FOXK2: variants seen among roughly 807,000 people sequenced by gnomAD.
The protein encoded by FOXK2 is forkhead box K2.
Under a neutral mutation model 53.3 loss-of-function variants are expected in FOXK2, and 24 were observed. The ratio of observed to expected loss-of-function variants is 0.45; its 90% CI spans 0.33 to 0.63. The LOEUF is 0.63. Among genes scored for constraint, FOXK2 ranks in the 30% least tolerant of loss-of-function variants. FOXK2 has a pLI of 0.03. For synonymous variants in FOXK2, 505 were observed against 407.1 expected (o/e 1.24, Z -2.89); for missense variants, 952 against 910.5 (o/e 1.05, Z -0.59).
At chr17:82,535,099 C>G (rs1456145122) in intron 1 of FOXK2, among the ~76,000 whole-genome samples, 1 of 152,172 alleles carries the variant, frequency 6.6e-6, no homozygotes, top group South Asian at 2.1e-4. Context: ...AGGCTGGTCT[C>G]GAACTCCTGA....
intron 8 of FOXK2, chr17:82,596,063 G>A (rs948053375): frequency 3.3e-5 from 36 of 1,104,868 alleles, no homozygotes; most frequent in Non-Finnish European, 3.9e-5. Flanking sequence ...GGCCCCGGCT[G>A]TCTGCACATT....
At chr17:82,599,047 C>CCCAGCT in intron 8 of FOXK2, 1 of 152,322 alleles carries the variant, frequency 6.6e-6, no homozygotes, top group South Asian at 2.1e-4. Flanking sequence ...TCTTCCTCAG[C>CCCAGCT]CCAGCTTCCT....
intron 1 of FOXK2, among the ~76,000 whole-genome samples, chr17:82,543,713 C>G (rs892653219): frequency 4.0e-5 from 6 of 151,238 alleles, no homozygotes; most frequent in Non-Finnish European, 8.8e-5. Context: ...AACTCCTGGC[C>G]TCAAGTGATC....
chr17:82,526,785 C>G (rs1373293436), intron 1 of FOXK2, among the ~76,000 whole-genome samples: 1 of 150,482 alleles, frequency 6.6e-6, no homozygotes, highest in Non-Finnish European at 1.5e-5. Context: ...GAGCCGAGAT[C>G]GCGCCACTGC....
In FOXK2 at chr17:82,552,430, C is replaced by T. The variant is rs374313677; in HGVS notation, c.420-10924C>T. Among the ~76,000 whole-genome samples, 142 of 152,232 alleles carry T rather than the reference C, an allele frequency of 9.3e-4. 1 individual carries two copies. Among genetic ancestry groups the T allele is most frequent in the African/African-American group, 3.3e-3 (137 of 41,518 alleles). ...GCTATGGCAACTGTGTCCTAATGGC[C>T]GACCTTCTCCAGGCTTCACCCACCG... is the stretch of plus-strand genomic sequence containing the variant. On this transcript the variant is annotated intron_variant, in intron 1 of 8. Transcript: ENST00000335255.
At chr17:82,591,123 C>T (rs1218113312) in intron 8 of FOXK2, among the ~76,000 whole-genome samples, 3 of 152,186 alleles carry the variant, frequency 2.0e-5, no homozygotes, top group Non-Finnish European at 2.9e-5. Flanking sequence ...TGCACTGTAG[C>T]CCTGGCCTTG....
At position 82,553,991 on chromosome 17, in the gene FOXK2, G is replaced by A. The variant is rs148083465; in HGVS notation, c.420-9363G>A. On this transcript the variant is annotated intron_variant, in intron 1 of 8. Coordinates refer to ENST00000335255, the MANE Select transcript of FOXK2 (RefSeq NM_004514.4). The stretch of plus-strand genomic sequence containing the variant: ...TGGGACTACAGGCGCCCACCACCAC[G>A]CCTGGGTAATTTTTGTATTTTTAGT... Among the ~76,000 whole-genome samples, 8 of 152,120 alleles carry A rather than the reference G, an allele frequency of 5.3e-5. No individual in the cohort carries two copies. The East Asian group carries it at 1.5e-3, about 29-fold the overall frequency.
At position 82,568,125 on chromosome 17, in the gene FOXK2, C is replaced by T; in HGVS notation, c.686C>T (p.Pro229Leu). 1 of 1,613,952 alleles carries T rather than the reference C, an allele frequency of 6.2e-7. No individual in the cohort carries two copies. Among genetic ancestry groups the T allele is most frequent in the Non-Finnish European group, 8.5e-7 (1 of 1,180,008 alleles). Residue 229 changes from proline (P) to leucine (L), a missense_variant, in exon 3 of 9, where the codon CCA becomes CTA. Physicochemically the swap from Pro to Leu is moderately conservative, Grantham distance 98. Transcript: ENST00000335255. ...GGGTACAAGGTGGGCCGAGTGATGC[C>T]ATCTGACCTCAATTTAATGGCTGAC... ...SSGYKVGRVMPSDLNLMADNS... is the reference protein window; with the variant it reads ...SSGYKVGRVMLSDLNLMADNS...
chr17:82,583,803 C>T (rs1057381578), intron 5 of FOXK2, among the ~76,000 whole-genome samples: 3 of 152,224 alleles, frequency 2.0e-5, no homozygotes, highest in African/African-American at 4.8e-5. Flanking sequence ...GGGCCCGTGA[C>T]GGCCCTGTCC....
rs762085515 is a variant in FOXK2 at position 82,601,441 on chromosome 17, T to C, written c.1925T>C (p.Ile642Thr). The C allele has an allele frequency of 5.0e-6, 8 of 1,612,706 alleles. No homozygotes were observed. The South Asian group carries it at 7.7e-5, about 15-fold the overall frequency. The change falls in exon 9 of 9, where the codon ATT becomes ACT. Residue 642 changes from isoleucine to threonine, a missense_variant. Transcript: ENST00000335255. Reference protein sequence around the residue: ...IKTEDGEGIVIALSVDTPPAA... With the variant: ...IKTEDGEGIVTALSVDTPPAA... ...ACAGAAGACGGCGAGGGCATCGTCATTGCCCTGAGCGTGGACACGCCACCG... is the reference window on the plus strand; with the variant it reads ...ACAGAAGACGGCGAGGGCATCGTCACTGCCCTGAGCGTGGACACGCCACCG...
chr17:82,590,295 G>A (rs1257033312), intron 8 of FOXK2, among the ~76,000 whole-genome samples: 3 of 152,100 alleles, frequency 2.0e-5, no homozygotes, highest in African/African-American at 7.2e-5. Flanking sequence ...CACTGCACAG[G>A]TGCTCATAAT....
At position 82,582,887 on chromosome 17, in the gene FOXK2, TA is replaced by T. The variant is rs2045080737; in HGVS notation, c.1057del (p.Arg353GlyfsTer84). The T allele has an allele frequency of 6.2e-7, 1 of 1,612,092 alleles. No individual in the cohort carries two copies. Among genetic ancestry groups the T allele is most frequent in the African/African-American group, 1.3e-5 (1 of 74,836 alleles). ...IEQAFRKRRP[R>X]GVPCFRTPLG... ...AACAGGCTTTTAGGAAACGACGGCC[TA>T]GGGGCGTGCCCTGCTTTAGAACCCC... is the stretch of plus-strand genomic sequence containing the variant. On this transcript the variant is annotated frameshift_variant, in exon 5 of 9. Transcript: ENST00000335255. LOFTEE classifies it high-confidence loss of function.
intron 8 of FOXK2, among the ~76,000 whole-genome samples, chr17:82,597,391 C>G (rs544714270): frequency 6.6e-6 from 1 of 152,314 alleles, no homozygotes; most frequent in African/African-American, 2.4e-5. Context: ...GTGGCCCACC[C>G]CGGGGCTGCA....
Position 82,571,721 on chromosome 17 carries a change from C to T in FOXK2, c.763-3C>T. On this transcript the variant is annotated splice_region_variant and splice_polypyrimidine_tract_variant and intron_variant, in intron 3 of 8. Coordinates refer to ENST00000335255, the MANE Select transcript of FOXK2 (RefSeq NM_004514.4). ...TCGTTTTGTGTTTGTTTTTTAAATACAGGATGATTCAAAGCCGCCTTACTC... is the reference window on the plus strand; with the variant it reads ...TCGTTTTGTGTTTGTTTTTTAAATATAGGATGATTCAAAGCCGCCTTACTC... 9 of 1,520,156 alleles carry T rather than the reference C, an allele frequency of 5.9e-6. No homozygotes were observed. Among genetic ancestry groups the T allele is most frequent in the Non-Finnish European group, 7.0e-6 (8 of 1,138,666 alleles). 94.2% of individuals were successfully genotyped at this position (1,520,156 alleles called of 1,614,324 possible).
intron 3 of FOXK2, among the ~76,000 whole-genome samples, chr17:82,570,138 C>T (rs1269710936): frequency 2.0e-5 from 3 of 151,858 alleles, no homozygotes; most frequent in South Asian, 4.1e-4. Flanking sequence ...AGGAGAATGG[C>T]GTGAACCCGG....
At chr17:82,559,613 G>T in intron 1 of FOXK2, 1 of 405,470 alleles carries the variant, frequency 2.5e-6, no homozygotes, top group South Asian at 1.8e-5. Flanking sequence ...CCTCGTGCCA[G>T]GCTGGTCTTC....
chr17:82,596,717 C>T (rs1469755628), intron 8 of FOXK2, among the ~76,000 whole-genome samples: 4 of 152,200 alleles, frequency 2.6e-5, no homozygotes, highest in African/African-American at 9.7e-5. Context: ...AGCCTGCTGG[C>T]GTCTTGATTG....
chr17:82,534,089 AG>A (rs1041179022), intron 1 of FOXK2, among the ~76,000 whole-genome samples: 2 of 150,998 alleles, frequency 1.3e-5, no homozygotes, highest in African/African-American at 4.9e-5. Flanking sequence ...AAAAAAAAAA[AG>A]AGAAAAATAG....
At chr17:82,566,255 T>C (rs1331365134) in intron 2 of FOXK2, among the ~76,000 whole-genome samples, 2 of 150,574 alleles carry the variant, frequency 1.3e-5, no homozygotes, top group African/African-American at 2.4e-5. Context: ...AAAAAAAAAA[T>C]AGGCCCCCTG....
Sources: gnomAD v4.1 joint callset for allele counts (sites outside exome capture counted in the v4.1 genomes callset) on GRCh38, gnomAD v4.1.1 for gene constraint, MANE v1.5 for transcripts, NCBI Gene and HGNC (gene_info 2026-07-23, HGNC 2026-07-21) for gene names.